Variants in NEBL observed in about 807,000 individuals in gnomAD.
NEBL encodes LIM and SH3 protein 2.
In NEBL, 122 loss-of-function variants were observed where a neutral mutation model predicts 140.2. That is an observed-to-expected ratio of 0.87 (90% CI 0.75 to 1.01). The LOEUF is 1.01. Among genes scored for constraint, NEBL ranks in the 50% least tolerant of loss-of-function variants. The pLI is 0.00. For missense variants in NEBL, 1,365 were observed against 1,231.3 expected (o/e 1.11, Z -1.62); for synonymous variants, 436 against 398.9 (o/e 1.09, Z -1.11).
At chr10:20,921,125 C>A (rs1297273446) in intron 4 of NEBL, among the ~76,000 whole-genome samples, 1 of 152,148 alleles carries the variant, frequency 6.6e-6, no homozygotes, top group Non-Finnish European at 1.5e-5. Flanking sequence ...TGAAGTTATG[C>A]CTTTTCCTAA....
upstream of NEBL, among the ~76,000 whole-genome samples, chr10:20,899,975 T>G (rs1012138294): frequency 5.3e-5 from 8 of 152,228 alleles, no homozygotes; most frequent in Non-Finnish European, 8.8e-5. Context: ...CTGCACTTCA[T>G]CACAGCAAAG....
intron 2 of NEBL, among the ~76,000 whole-genome samples, chr10:21,158,530 G>A (rs1010916294): frequency 1.3e-5 from 2 of 152,114 alleles, no homozygotes; most frequent in Non-Finnish European, 2.9e-5. Flanking sequence ...GGGATGGTGA[G>A]GCAAAGTAAC....
At chr10:20,969,544 CTTTTTT>C (rs771623257) in intron 3 of NEBL, among the ~76,000 whole-genome samples, 2 of 115,748 alleles carry the variant, frequency 1.7e-5, no homozygotes, top group Non-Finnish European at 3.6e-5. Flanking sequence ...TTTTTCTTTT[CTTTTTT>C]TTTTTTTTTT....
intron 1 of NEBL, among the ~76,000 whole-genome samples, chr10:21,252,532 T>C (rs1193980387): frequency 6.6e-6 from 1 of 152,084 alleles, no homozygotes; most frequent in Non-Finnish European, 1.5e-5. Flanking sequence ...AATTGAGCTA[T>C]CCAAAAGAAG....
chr10:21,249,745 T>TTAAA (rs1286556615), intron 2 of NEBL, among the ~76,000 whole-genome samples: 1 of 151,832 alleles, frequency 6.6e-6, no homozygotes, highest in Non-Finnish European at 1.5e-5. Flanking sequence ...TAGAAATAAA[T>TTAAA]TAAATAAATA....
At chr10:21,221,884 G>C (rs994386701) in intron 3 of NEBL, among the ~76,000 whole-genome samples, 1 of 151,792 alleles carries the variant, frequency 6.6e-6, no homozygotes. Context: ...TCTTTGTATT[G>C]TTCCTTTTTA....
At chr10:20,939,504 G>T (rs1366218811) in intron 4 of NEBL, among the ~76,000 whole-genome samples, 3 of 152,098 alleles carry the variant, frequency 2.0e-5, no homozygotes, top group African/African-American at 7.2e-5. Flanking sequence ...AGACCATCGA[G>T]GCTAGGAAGA....
At chr10:20,924,527 A>T (rs868673146) in intron 4 of NEBL, among the ~76,000 whole-genome samples, 3 of 151,260 alleles carry the variant, frequency 2.0e-5, no homozygotes, top group Admixed American at 1.3e-4. Context: ...CTTGTATAAA[A>T]AAAAAAAAAA....
intron 1 of NEBL, among the ~76,000 whole-genome samples, chr10:21,262,831 A>G (rs1010496313): frequency 6.6e-6 from 1 of 152,188 alleles, no homozygotes; most frequent in African/African-American, 2.4e-5. Flanking sequence ...CAGTGTGCCC[A>G]TGATTACAAA....
At chr10:21,091,265 T>A (rs1836899413) in intron 2 of NEBL, among the ~76,000 whole-genome samples, 1 of 152,320 alleles carries the variant, frequency 6.6e-6, no homozygotes, top group East Asian at 1.9e-4. Flanking sequence ...AGGTTGCCCC[T>A]TATGAAACAT....
intron 4 of NEBL, among the ~76,000 whole-genome samples, chr10:20,916,013 A>T (rs1255687529): frequency 6.6e-6 from 1 of 152,256 alleles, no homozygotes; most frequent in Non-Finnish European, 1.5e-5. Context: ...GACATAACAG[A>T]CTGTCTTTCT....
chr10:21,006,502 A>G (rs74120597), intron 3 of NEBL, among the ~76,000 whole-genome samples: 2,800 of 152,292 alleles, frequency 0.018, 78 homozygotes, highest in African/African-American at 0.064. Context: ...AGACCTGTAA[A>G]TCCAACCAGT....
At chr10:21,035,558 A>C (rs1833980864) in intron 2 of NEBL, among the ~76,000 whole-genome samples, 1 of 152,178 alleles carries the variant, frequency 6.6e-6, no homozygotes. Flanking sequence ...CGATTATATA[A>C]TTAAACTAAA....
intron 2 of NEBL, among the ~76,000 whole-genome samples, chr10:21,096,923 C>T (rs1328208506): frequency 1.3e-5 from 2 of 151,924 alleles, no homozygotes; most frequent in African/African-American, 4.8e-5. Flanking sequence ...ATCTGAGCTC[C>T]CCACAAATTC....
intron 5 of NEBL, among the ~76,000 whole-genome samples, chr10:20,877,394 T>C (rs894299236): frequency 6.6e-6 from 1 of 152,328 alleles, no homozygotes; most frequent in East Asian, 1.9e-4. Context: ...ATGCTACTGA[T>C]ATAGGAGTTA....
Position 21,122,050 on chromosome 10 carries a change from C to T in NEBL, c.164+50333G>A, listed in dbSNP as rs562888223. Reference sequence around the variant, plus strand: ...TTGTTGTTGTTGTTGTTTTGAGACACAGTCTCTTTCTATCACCCAGACTGG... The same window carrying T: ...TTGTTGTTGTTGTTGTTTTGAGACATAGTCTCTTTCTATCACCCAGACTGG... On this transcript the variant is annotated intron_variant, in intron 2 of 6. Transcript: ENST00000417816. 4.3e-5 allele frequency among the ~76,000 whole-genome samples: 6 copies of T among 138,882 alleles called. No homozygotes were observed. In the East Asian group the frequency reaches 1.3e-3, roughly 31 times the overall value. The allele number at this position is 138,882 out of a possible 152,430, so 91.1% of individuals were successfully genotyped here.
intron 11 of NEBL, among the ~76,000 whole-genome samples, chr10:20,846,036 G>C: frequency 6.6e-6 from 1 of 152,164 alleles, no homozygotes; most frequent in South Asian, 2.1e-4. Context: ...AGGTGGATGC[G>C]ACGGTGATAG....
chr10:20,805,571 G>C (rs1266550208), intron 26 of NEBL, among the ~76,000 whole-genome samples: 1 of 152,060 alleles, frequency 6.6e-6, no homozygotes, highest in Non-Finnish European at 1.5e-5. Flanking sequence ...TCAACTTTTT[G>C]GCCAGGCACA....
chr10:21,030,570 C>A (rs1833737089), intron 2 of NEBL: 5 of 691,812 alleles, frequency 7.2e-6, no homozygotes, highest in South Asian at 1.4e-5. Flanking sequence ...ACACACAGCA[C>A]GAATACCCTA....
Sources: allele counts gnomAD v4.1 joint callset (sites outside exome capture counted in the v4.1 genomes callset), GRCh38; gene constraint gnomAD v4.1.1; transcripts MANE v1.5; gene names NCBI Gene and HGNC (gene_info 2026-07-23, HGNC 2026-07-21).